SKIL: variants seen among roughly 807,000 people sequenced by gnomAD.
SKIL encodes the protein SKI like proto-oncogene, also known as ski-like protein.
In SKIL, 20 loss-of-function variants were observed where a neutral mutation model predicts 69.6. The ratio of observed to expected loss-of-function variants is 0.29; its 90% confidence interval spans 0.20 to 0.42. The LOEUF is 0.42. Among genes scored for constraint, SKIL ranks in the 10% least tolerant of loss-of-function variants. The pLI is 1.00. For synonymous variants in SKIL, 310 were observed against 279.9 expected, an observed-to-expected ratio of 1.11 and a Z score of -1.08; for missense variants, 745 against 783.1, an observed-to-expected ratio of 0.95 and a Z score of 0.58.
Position 170,360,448 on chromosome 3 carries a change from T to G in SKIL, c.117T>G (p.Asn39Lys), listed in dbSNP as rs768885915. Residue 39 changes from asparagine to lysine, a missense_variant, in exon 2 of 7, where the codon AAT becomes AAG. Coordinates refer to ENST00000259119, the MANE Select transcript of SKIL (RefSeq NM_005414.5). ...AAATGATAACGGACATTCATGCAAA[T>G]GGAAAAACGATAAACAAGGTGCCAA... is the stretch of plus-strand genomic sequence containing the variant. The part of the protein sequence containing the change: ...AKKMITDIHA[N>K]GKTINKVPTV... 6.2e-7 allele frequency: 1 copy of G among 1,613,808 alleles called. No homozygotes were observed. Among genetic ancestry groups the G allele is most frequent in the Non-Finnish European group, 8.5e-7 (1 of 1,179,942 alleles).
intron 6 of SKIL, 21 bp downstream of exon 6, chr3:170,391,281 A>G: frequency 7.6e-7 from 1 of 1,324,318 alleles, no homozygotes; most frequent in Non-Finnish European, 1.1e-6. Context: ...CTGTTTGTAT[A>G]ATGGTGCCCT....
intron 1 of SKIL, among the ~76,000 whole-genome samples, chr3:170,358,045 C>T (rs1511174): frequency 0.73 from 110,068 of 151,762 alleles, 41,397 homozygotes; most frequent in East Asian, 0.84. Flanking sequence ...TGACGGGAGC[C>T]GCGGGGACCC....
In SKIL at chr3:170,367,036, GTTTAC is replaced by G. The variant is rs1389069984; in HGVS notation, c.1098+5610_1098+5614del. 5.9e-5 allele frequency among the ~76,000 whole-genome samples: 9 copies of G among 152,268 alleles called. No individual in the cohort carries two copies. In the East Asian group the frequency reaches 1.7e-3, roughly 29 times the overall value. On this transcript the variant is annotated intron_variant, in intron 2 of 6. Coordinates refer to ENST00000259119, the MANE Select transcript of SKIL (RefSeq NM_005414.5). ...TTGTAAATAAAATTTGAAGAGTAAT[GTTTAC>G]TTAAGATTATTTTCAAACATATTGG... is the stretch of plus-strand genomic sequence containing the variant.
In SKIL at chr3:170,382,556, G is replaced by T. The variant is rs142891194; in HGVS notation, c.1196+1215G>T. ...TGGCATCCTGTAGCTGAGCCTGAGCGCCAGCTGTCACTCCTGGCTAATTTT... is the reference window on the plus strand; with the variant it reads ...TGGCATCCTGTAGCTGAGCCTGAGCTCCAGCTGTCACTCCTGGCTAATTTT... On this transcript the variant is annotated intron_variant, in intron 3 of 6. Transcript: ENST00000259119. Among the ~76,000 whole-genome samples the T allele has an allele frequency of 5.3e-3, 799 of 151,060 alleles. 6 individuals carry two copies. The highest frequency in any genetic ancestry group is 0.018 in the African/African-American group (723 of 41,066).
chr3:170,364,192 A>C (rs1445315350), intron 2 of SKIL, among the ~76,000 whole-genome samples: 1 of 151,934 alleles, frequency 6.6e-6, no homozygotes, highest in Non-Finnish European at 1.5e-5. Context: ...AGCTCAGGCA[A>C]TGCGCCTGTC....
intron 3 of SKIL, among the ~76,000 whole-genome samples, chr3:170,383,580 T>C (rs1737467772): frequency 6.6e-6 from 1 of 152,212 alleles, no homozygotes; most frequent in Admixed American, 6.5e-5. Flanking sequence ...TCAAAATTGG[T>C]AATCTCTTTT....
At chr3:170,381,125 CATG>C in intron 2 of SKIL, 116 bp from the exon 3 acceptor site, 3 of 649,532 alleles carry the variant, frequency 4.6e-6, no homozygotes, top group Non-Finnish European at 8.5e-6. Flanking sequence ...CTGTGCGTGG[CATG>C]ATGACTCTTA....
intron 2 of SKIL, among the ~76,000 whole-genome samples, chr3:170,380,054 C>G (rs16855034): frequency 0.77 from 116,863 of 152,114 alleles, 45,701 homozygotes; most frequent in East Asian, 0.94. Context: ...GTTCTCAGCC[C>G]GTAGATGTTC....
chr3:170,382,572 G>A (rs1408973012), intron 3 of SKIL, among the ~76,000 whole-genome samples: 3 of 151,692 alleles, frequency 2.0e-5, no homozygotes, highest in Admixed American at 6.6e-5. Flanking sequence ...TGTCACTCCT[G>A]GCTAATTTTT....
At chr3:170,371,847 G>A (rs1222016879) in intron 2 of SKIL, among the ~76,000 whole-genome samples, 3 of 152,128 alleles carry the variant, frequency 2.0e-5, no homozygotes, top group African/African-American at 7.2e-5. Context: ...TGGGTCACCA[G>A]CATTAAAAAA....
chr3:170,392,297 C>G lies in SKIL; in HGVS notation c.1935C>G (p.Ala645=), dbSNP rs762599340. The G allele has an allele frequency of 2.5e-6, 4 of 1,611,856 alleles. No individual in the cohort carries two copies. Among genetic ancestry groups the G allele is most frequent in the Non-Finnish European group, 2.5e-6 (3 of 1,178,722 alleles). The part of the protein sequence containing the change: ...ELRQRLDHAE[A]DRQELQDELR... ...GGCAGAGATTGGACCATGCTGAGGC[C>G]GATAGGCAAGAACTCCAAGATGAAC... Residue 645 remains alanine (A), a synonymous_variant, in exon 7 of 7, where the codon GCC becomes GCG. Transcript: ENST00000259119.
chr3:170,369,140 C>T (rs1736678175), intron 2 of SKIL, among the ~76,000 whole-genome samples: 1 of 147,098 alleles, frequency 6.8e-6, no homozygotes, highest in African/African-American at 2.5e-5. Context: ...AATAGTGCCC[C>T]CTGTGGTTTA....
rs772471612 is a variant in SKIL at position 170,360,348 on chromosome 3, C to A, written c.17C>A (p.Thr6Lys). ...GAGTGTACCATGGAAAACCTCCAGA[C>A]AAATTTCTCCTTGGTTCAGGGCTCA... MENLQ[T>K]NFSLVQGSTK... The change falls in exon 2 of 7, where the codon ACA (threonine) becomes AAA (lysine). Residue 6 changes from threonine to lysine, a missense_variant. Coordinates refer to ENST00000259119, the MANE Select transcript of SKIL (RefSeq NM_005414.5). 3.8e-6 allele frequency: 6 copies of A among 1,559,778 alleles called. No individual in the cohort carries two copies. In the South Asian group the frequency reaches 7.4e-5, roughly 19 times the overall value.
chr3:170,393,144 A>C lies in SKIL; in HGVS notation c.*727A>C, dbSNP rs776930076. ...TTTAAGCAGCAACTTTTCAAAAATA[A>C]AATGTGATAATTTCTGAACTTTTGT... On this transcript the variant is annotated 3_prime_UTR_variant, in exon 7 of 7. Transcript: ENST00000259119. 1 of 152,140 alleles carries C rather than the reference A, an allele frequency of 6.6e-6. No homozygotes were observed. The highest frequency in any genetic ancestry group is 1.5e-5 in the Non-Finnish European group (1 of 68,028). 9.4% of individuals were successfully genotyped at this position (152,140 alleles called of 1,614,324 possible). A position where few individuals can be genotyped will look rare whatever the true frequency, so the allele number is the denominator to read the frequency against.
In SKIL at chr3:170,395,715, G is replaced by A. The variant is rs191770413; in HGVS notation, c.*3298G>A. ...AAGGCATATGTTTTGATTACTTAGG[G>A]AAGATTCCTCATTTTTATTTGCCCT... On this transcript the variant is annotated 3_prime_UTR_variant, in exon 7 of 7. Transcript: ENST00000259119. 9.2e-5 allele frequency: 14 copies of A among 152,156 alleles called. No individual in the cohort carries two copies. Among genetic ancestry groups the A allele is most frequent in the Non-Finnish European group, 1.9e-4 (13 of 67,922 alleles). The allele number at this position is 152,156 out of a possible 1,614,324, so 9.4% of individuals were successfully genotyped here.
At chr3:170,388,656 GT>G (rs1204264165) in intron 4 of SKIL, among the ~76,000 whole-genome samples, 1 of 151,884 alleles carries the variant, frequency 6.6e-6, no homozygotes, top group Non-Finnish European at 1.5e-5. Context: ...TCTCAAACTC[GT>G]GAGCTTAAGC....
At chr3:170,384,000 C>T (rs1393191658) in intron 3 of SKIL, among the ~76,000 whole-genome samples, 1 of 141,882 alleles carries the variant, frequency 7.0e-6, no homozygotes, top group Non-Finnish European at 1.5e-5. Flanking sequence ...TGTGATTTTC[C>T]TTCTGTGTAT....
chr3:170,374,447 ATGTAT>A (rs1430206122), intron 2 of SKIL, among the ~76,000 whole-genome samples: 4 of 152,194 alleles, frequency 2.6e-5, no homozygotes, highest in African/African-American at 9.7e-5. Context: ...AAGTTATATA[ATGTAT>A]TGTATTTTAA....
Position 170,393,819 on chromosome 3 carries a change from A to G in SKIL, c.*1402A>G, listed in dbSNP as rs943532259. 2.6e-5 allele frequency: 4 copies of G among 152,136 alleles called. No homozygotes were observed. The highest frequency in any genetic ancestry group is 2.1e-4 in the South Asian group (1 of 4,836). 9.4% of individuals were successfully genotyped at this position (152,136 alleles called of 1,614,324 possible). ...GAGAGCTATATTTATTTTAAAATAA[A>G]TTAGCTAGGGTTAAGGTTATATTCT... On this transcript the variant is annotated 3_prime_UTR_variant, in exon 7 of 7. Transcript: ENST00000259119.
Sources: gnomAD v4.1 joint callset for allele counts (sites outside exome capture counted in the v4.1 genomes callset) on GRCh38, gnomAD v4.1.1 for gene constraint, MANE v1.5 for transcripts, NCBI Gene and HGNC (gene_info 2026-07-23, HGNC 2026-07-21) for gene names.